NEBL: variants seen among roughly 807,000 people sequenced by gnomAD.
The protein encoded by NEBL is nebulette, also known as LIM and SH3 protein 2.
In NEBL, 122 loss-of-function variants were observed where a neutral mutation model predicts 140.2. The observed-to-expected ratio is 0.87, with a 90% CI of 0.75 to 1.01. The LOEUF (loss-of-function observed/expected upper bound fraction) is 1.01, where lower values mean the gene tolerates loss of function less well. Ranked by LOEUF, NEBL falls within the 50% of genes least tolerant of loss-of-function variation. The pLI, the probability that NEBL is intolerant of heterozygous loss-of-function variation, is 0.00. For synonymous variants in NEBL, 436 were observed against 398.9 expected (o/e 1.09, Z -1.11); for missense variants, 1,365 against 1,231.3 (o/e 1.11, Z -1.62).
At chr10:20,836,443 G>A (rs1461539717) in intron 13 of NEBL, among the ~76,000 whole-genome samples, 3 of 152,082 alleles carry the variant, frequency 2.0e-5, no homozygotes, top group Non-Finnish European at 2.9e-5. Context: ...GGCCGGTCAC[G>A]AACTCCTGAC....
chr10:21,166,219 CAAAAAAAAA>C (rs1170225891), intron 2 of NEBL, among the ~76,000 whole-genome samples: 9 of 35,398 alleles, frequency 2.5e-4, no homozygotes, highest in Admixed American at 8.4e-4. Context: ...GACTGTGTCT[CAAAAAAAAA>C]AAAAAAAAAA....
At chr10:20,813,350 T>G (rs563509958) in intron 23 of NEBL, among the ~76,000 whole-genome samples, 5 of 152,160 alleles carry the variant, frequency 3.3e-5, no homozygotes, top group Admixed American at 3.3e-4. Flanking sequence ...AAAATGGCAT[T>G]ATTTAAAATC....
At chr10:21,099,494 T>C (rs1479399738) in intron 2 of NEBL, among the ~76,000 whole-genome samples, 1 of 152,194 alleles carries the variant, frequency 6.6e-6, no homozygotes, top group Non-Finnish European at 1.5e-5. Flanking sequence ...TGAAAACATA[T>C]GTTCCCCCAA....
At chr10:20,802,023 T>A (rs1026432713) in intron 26 of NEBL, among the ~76,000 whole-genome samples, 4 of 152,164 alleles carry the variant, frequency 2.6e-5, no homozygotes, top group African/African-American at 9.7e-5. Flanking sequence ...TCATTCCCCA[T>A]CACACTCCCA....
chr10:20,784,049 T>C lies in NEBL; in HGVS notation c.*1698A>G, dbSNP rs1835198194. On this transcript the variant is annotated 3_prime_UTR_variant, in exon 28 of 28. Transcript: ENST00000377122. The stretch of plus-strand genomic sequence containing the variant: ...TAACTTTTCTAAAGTGGAAATAAAT[T>C]AGCTTTGGCCTTTGGACTAGTAAAC... 6.6e-6 allele frequency: 1 copy of C among 152,222 alleles called. No individual in the cohort carries two copies. Among genetic ancestry groups the C allele is most frequent in the South Asian group, 2.1e-4 (1 of 4,836 alleles). The allele number at this position is 152,222 out of a possible 1,614,324, so 9.4% of individuals were successfully genotyped here. A position where few individuals can be genotyped will look rare whatever the true frequency, so the allele number is the denominator to read the frequency against.
chr10:21,239,943 G>A (rs1473807640), intron 3 of NEBL, among the ~76,000 whole-genome samples: 2 of 151,860 alleles, frequency 1.3e-5, no homozygotes, highest in African/African-American at 4.8e-5. Context: ...ATGAACCCGG[G>A]AGGCAGAGCT....
At chr10:21,076,425 A>G (rs574037604) in intron 2 of NEBL, among the ~76,000 whole-genome samples, 7 of 137,952 alleles carry the variant, frequency 5.1e-5, no homozygotes, top group Admixed American at 4.6e-4. Context: ...AGTCTGGGCA[A>G]CAGAGAGAGA....
intron 13 of NEBL, among the ~76,000 whole-genome samples, chr10:20,837,984 C>T (rs1841051515): frequency 6.6e-6 from 1 of 152,182 alleles, no homozygotes; most frequent in Non-Finnish European, 1.5e-5. Context: ...AGTTACAATG[C>T]ACCTGGTCAC....
intron 2 of NEBL, among the ~76,000 whole-genome samples, chr10:21,093,273 G>A (rs1837010874): frequency 6.7e-6 from 1 of 150,338 alleles, no homozygotes; most frequent in Admixed American, 6.7e-5. Flanking sequence ...GACATGAATG[G>A]TAGTGCCAGG....
At chr10:21,012,963 T>C (rs1838403928) in intron 3 of NEBL, among the ~76,000 whole-genome samples, 1 of 152,138 alleles carries the variant, frequency 6.6e-6, no homozygotes, top group South Asian at 2.1e-4. Context: ...ACCAGGTCCC[T>C]GTGATTAAAG....
chr10:21,241,717 C>G (rs1435801886), intron 3 of NEBL, among the ~76,000 whole-genome samples: 1 of 152,148 alleles, frequency 6.6e-6, no homozygotes, highest in Non-Finnish European at 1.5e-5. Context: ...TATACGGAAA[C>G]CAGGCCACCA....
chr10:21,136,896 A>G (rs932844057), intron 2 of NEBL, among the ~76,000 whole-genome samples: 3 of 152,224 alleles, frequency 2.0e-5, no homozygotes, highest in African/African-American at 7.2e-5. Context: ...ATTGCCCCCA[A>G]TGAGTCATGG....
intron 19 of NEBL, among the ~76,000 whole-genome samples, chr10:20,822,662 TATATAGAGACTATAG>T (rs1839450672): frequency 1.1e-5 from 1 of 89,906 alleles, no homozygotes; most frequent in African/African-American, 3.1e-5. Context: ...TATATATAGA[TATATAGAGACTATAG>T]ATATATAGAT....
chr10:21,114,287 T>C (rs1838178675), intron 2 of NEBL, among the ~76,000 whole-genome samples: 1 of 152,096 alleles, frequency 6.6e-6, no homozygotes, highest in Non-Finnish European at 1.5e-5. Flanking sequence ...TCAGAAAACA[T>C]ACCCTGAATG....
chr10:21,201,709 A>T (rs1841738557), intron 3 of NEBL, among the ~76,000 whole-genome samples: 1 of 152,208 alleles, frequency 6.6e-6, no homozygotes, highest in African/African-American at 2.4e-5. Context: ...ATGCCTGCAT[A>T]TTCTTTGATA....
chr10:20,836,369 T>C (rs926564863), intron 13 of NEBL, among the ~76,000 whole-genome samples: 1 of 152,050 alleles, frequency 6.6e-6, no homozygotes, highest in Non-Finnish European at 1.5e-5. Flanking sequence ...ACTACAGGCA[T>C]GCGCCACCAC....
intron 2 of NEBL, among the ~76,000 whole-genome samples, chr10:21,057,436 CT>C (rs1416537746): frequency 6.6e-6 from 1 of 151,096 alleles, no homozygotes; most frequent in East Asian, 1.9e-4. Flanking sequence ...CATTTGGGAC[CT>C]TTATCTTAAC....
intron 25 of NEBL, 129 bp downstream of exon 25, chr10:20,809,677 T>C (rs778268464): frequency 2.8e-6 from 2 of 726,362 alleles, no homozygotes; most frequent in Non-Finnish European, 4.8e-6. Flanking sequence ...TAGCATAGCA[T>C]TTTTTTGGTT....
intron 2 of NEBL, among the ~76,000 whole-genome samples, chr10:21,101,135 CAA>C (rs1837458241): frequency 6.6e-6 from 1 of 152,186 alleles, no homozygotes; most frequent in Non-Finnish European, 1.5e-5. Flanking sequence ...CCACATGACT[CAA>C]GTCTCCCCTC....
Sources: allele counts gnomAD v4.1 joint callset (sites outside exome capture counted in the v4.1 genomes callset), GRCh38; gene constraint gnomAD v4.1.1; transcripts MANE v1.5; gene names NCBI Gene and HGNC (gene_info 2026-07-23, HGNC 2026-07-21).